WWOX: variants seen among roughly 807,000 people sequenced by gnomAD.
The protein encoded by WWOX is WW domain-containing oxidoreductase.
In WWOX, 69 loss-of-function variants were observed where a neutral mutation model predicts 46.2. That is an observed-to-expected ratio of 1.49 (90% CI 1.23 to 1.82). WWOX has a LOEUF of 1.82. WWOX is among the 40% of genes most tolerant of loss of function. The pLI, the probability that WWOX is intolerant of heterozygous loss-of-function variation, is 0.00. For missense variants in WWOX, 919 were observed against 542.6 expected, an observed-to-expected ratio of 1.69 and a Z score of -6.89; for synonymous variants, 359 against 202.6, an observed-to-expected ratio of 1.77 and a Z score of -6.56.
intron 8 of WWOX, among the ~76,000 whole-genome samples, chr16:78,772,281 G>T (rs1567549435): frequency 6.6e-6 from 1 of 152,322 alleles, no homozygotes; most frequent in African/African-American, 2.4e-5. Context: ...TTGTAAGTGA[G>T]GCCATGCAGT....
intron 8 of WWOX, among the ~76,000 whole-genome samples, chr16:78,506,231 C>T (rs570269761): frequency 2.0e-3 from 310 of 152,344 alleles, no homozygotes; most frequent in African/African-American, 7.3e-3. Context: ...CCTGTGGACA[C>T]ACAGGCTGTG....
intron 8 of WWOX, among the ~76,000 whole-genome samples, chr16:78,476,087 G>A (rs1448117071): frequency 6.6e-6 from 1 of 152,110 alleles, no homozygotes; most frequent in Non-Finnish European, 1.5e-5. Context: ...AATCCCATCT[G>A]GTGTTCTAAT....
chr16:78,523,478 A>T (rs2043392784), intron 8 of WWOX, among the ~76,000 whole-genome samples: 3 of 152,222 alleles, frequency 2.0e-5, no homozygotes, highest in African/African-American at 7.2e-5. Context: ...TCACGGGCTT[A>T]GTAGCAATTC....
At chr16:79,128,005 A>G (rs1043002590) in intron 8 of WWOX, among the ~76,000 whole-genome samples, 1 of 152,190 alleles carries the variant, frequency 6.6e-6, no homozygotes, top group African/African-American at 2.4e-5. Flanking sequence ...AGTGCATGGC[A>G]AAGACCCATC....
chr16:78,144,215 G>A (rs145952977), intron 4 of WWOX, among the ~76,000 whole-genome samples: 4 of 151,386 alleles, frequency 2.6e-5, no homozygotes, highest in Non-Finnish European at 5.9e-5. Context: ...AGTGGCTGGG[G>A]CACTAATGAT....
rs190675096 is a variant in WWOX at position 78,510,965 on chromosome 16, T to C, written c.1056+78213T>C. Among the ~76,000 whole-genome samples the C allele has an allele frequency of 3.9e-5, 6 of 152,328 alleles. No homozygotes were observed. The East Asian group carries it at 9.7e-4, about 25-fold the overall frequency. Reference sequence around the variant, plus strand: ...TGTTGTTTCCATCTGATATCACCATTGAGGGGAGCAAGATGACATGTGCCT... The same window carrying C: ...TGTTGTTTCCATCTGATATCACCATCGAGGGGAGCAAGATGACATGTGCCT... On this transcript the variant is annotated intron_variant, in intron 8 of 8. Coordinates refer to ENST00000566780, the MANE Select transcript of WWOX (RefSeq NM_016373.4).
chr16:78,876,204 CCTTT>C (rs1162494508), intron 8 of WWOX, among the ~76,000 whole-genome samples: 4 of 138,008 alleles, frequency 2.9e-5, no homozygotes, highest in Non-Finnish European at 6.5e-5. Flanking sequence ...AGGTTTTTTT[CCTTT>C]CTTTTTTTTT....
intron 5 of WWOX, among the ~76,000 whole-genome samples, chr16:78,309,231 A>G (rs1413679442): frequency 6.6e-6 from 1 of 152,126 alleles, no homozygotes; most frequent in African/African-American, 2.4e-5. Context: ...GTGAGTTCTC[A>G]CGTGATCCGA....
At chr16:78,171,472 T>TG (rs2035158431) in intron 5 of WWOX, among the ~76,000 whole-genome samples, 2 of 151,990 alleles carry the variant, frequency 1.3e-5, no homozygotes, top group South Asian at 4.2e-4. Flanking sequence ...ATATATGTGT[T>TG]GGGGGGAGGC....
chr16:78,316,988 G>A lies in WWOX; in HGVS notation c.517-69872G>A, dbSNP rs555359589. ...GGACATTTGGCTGAATGCTGGAAGT[G>A]CAAAGATGAAGGAAAGTTGCTTTTT... On this transcript the variant is annotated intron_variant, in intron 5 of 8. Transcript: ENST00000566780. Among the ~76,000 whole-genome samples, 6 of 152,340 alleles carry A rather than the reference G, an allele frequency of 3.9e-5. No individual in the cohort carries two copies. In the East Asian group the frequency reaches 9.6e-4, roughly 24 times the overall value.
intron 8 of WWOX, among the ~76,000 whole-genome samples, chr16:78,638,809 A>T (rs2046636481): frequency 6.6e-6 from 1 of 152,160 alleles, no homozygotes; most frequent in South Asian, 2.1e-4. Flanking sequence ...ATCAGAAATA[A>T]TTAGGAGATT....
At chr16:78,923,961 G>C (rs1007876164) in intron 8 of WWOX, among the ~76,000 whole-genome samples, 1 of 151,812 alleles carries the variant, frequency 6.6e-6, no homozygotes. Context: ...CACCACGCCT[G>C]GCTAATTTTT....
chr16:78,549,422 A>G (rs1457137730), intron 8 of WWOX, among the ~76,000 whole-genome samples: 1 of 152,274 alleles, frequency 6.6e-6, no homozygotes, highest in South Asian at 2.1e-4. Flanking sequence ...ATTCATGGTA[A>G]TGTAATTCCC....
chr16:78,326,587 C>G (rs1201155417), intron 5 of WWOX, among the ~76,000 whole-genome samples: 4 of 106,228 alleles, frequency 3.8e-5, no homozygotes, highest in East Asian at 3.3e-4. Context: ...GCCCCCCCCC[C>G]CCGCAATGCC....
intron 8 of WWOX, among the ~76,000 whole-genome samples, chr16:78,923,794 GTTTT>G (rs56852814): frequency 4.0e-4 from 41 of 102,154 alleles, no homozygotes; most frequent in East Asian, 1.1e-3. Flanking sequence ...TTTTTAGTTA[GTTTT>G]TTTTTTTTTT....
At chr16:79,108,130 C>G (rs576732194) in intron 8 of WWOX, among the ~76,000 whole-genome samples, 1 of 152,248 alleles carries the variant, frequency 6.6e-6, no homozygotes, top group Admixed American at 6.5e-5. Flanking sequence ...GGGGGGAAAC[C>G]TAAATTCATA....
intron 8 of WWOX, among the ~76,000 whole-genome samples, chr16:79,108,309 G>C (rs959718875): frequency 6.6e-5 from 10 of 152,216 alleles, no homozygotes; most frequent in Non-Finnish European, 1.3e-4. Flanking sequence ...ACACACATCA[G>C]TGTATACCCA....
At chr16:79,015,655 C>G (rs746492400) in intron 8 of WWOX, among the ~76,000 whole-genome samples, 1 of 152,182 alleles carries the variant, frequency 6.6e-6, no homozygotes, top group Non-Finnish European at 1.5e-5. Context: ...AGTCATGTCC[C>G]TAGTCCCTGT....
chr16:78,377,168 A>G (rs974445120), intron 5 of WWOX, among the ~76,000 whole-genome samples: 3 of 152,204 alleles, frequency 2.0e-5, no homozygotes, highest in Non-Finnish European at 2.9e-5. Context: ...TGCTGTTGAG[A>G]ATGTAATTAT....
Sources: gnomAD v4.1 joint callset for allele counts (sites outside exome capture counted in the v4.1 genomes callset) on GRCh38, gnomAD v4.1.1 for gene constraint, MANE v1.5 for transcripts, NCBI Gene and HGNC (gene_info 2026-07-23, HGNC 2026-07-21) for gene names.